ABCA7: variants seen among roughly 807,000 people sequenced by gnomAD.
ABCA7 encodes phospholipid-transporting ATPase ABCA7.
In ABCA7, 261 loss-of-function variants were observed where a neutral mutation model predicts 227.6. That is an observed-to-expected ratio of 1.15 (90% CI 1.04 to 1.27). The LOEUF (loss-of-function observed/expected upper bound fraction) is 1.27. Among genes scored for constraint, ABCA7 ranks in the 50% most tolerant of loss-of-function variants. The pLI is 0.00. For synonymous variants in ABCA7, 1,488 were observed against 1,279.7 expected, an observed-to-expected ratio of 1.16 and a Z score of -3.47; for missense variants, 3,331 against 2,924.5, an observed-to-expected ratio of 1.14 and a Z score of -3.21.
At position 1,059,040 on chromosome 19, in the gene ABCA7, G is replaced by T. The variant is rs758303632; in HGVS notation, c.5418G>T (p.Arg1806Ser). 1 of 1,613,916 alleles carries T rather than the reference G, an allele frequency of 6.2e-7. No individual in the cohort carries two copies. Among genetic ancestry groups the T allele is most frequent in the East Asian group, 2.2e-5 (1 of 44,868 alleles). Residue 1806 changes from arginine to serine, a missense_variant, in exon 40 of 47, where the codon AGG (arginine) becomes AGT (serine). By Grantham distance (110) the Arg-to-Ser change is moderately radical. Transcript: ENST00000263094. ...RNLTKVYRGQ[R>S]MPAVDRLCLG... ...TCTCCCAGGTATACCGTGGGCAGAG[G>T]ATGCCAGCTGTTGACCGCTTGTGCC...
At position 1,059,078 on chromosome 19, in the gene ABCA7, C is replaced by G; in HGVS notation, c.5456C>G (p.Pro1819Arg). 1 of 1,613,102 alleles carries G rather than the reference C, an allele frequency of 6.2e-7. No homozygotes were observed. The highest frequency in any genetic ancestry group is 1.3e-5 in the African/African-American group (1 of 75,014). Reference sequence around the variant, plus strand: ...GACCGCTTGTGCCTGGGGATTCCCCCTGGTGAGGTGAGTCCAGGGGTGGAG... The same window carrying G: ...GACCGCTTGTGCCTGGGGATTCCCCGTGGTGAGGTGAGTCCAGGGGTGGAG... ...AVDRLCLGIP[P>R]GECFGLLGVN... Residue 1819 changes from proline to arginine, a missense_variant, in exon 40 of 47, where the codon CCT (proline) becomes CGT (arginine). Physicochemically the swap from Pro to Arg is moderately radical, Grantham distance 103. Coordinates refer to ENST00000263094, the MANE Select transcript of ABCA7 (RefSeq NM_019112.4).
intron 16 of ABCA7, 103 bp from the exon 17 acceptor site, chr19:1,048,792 G>C (rs762409462): frequency 5.4e-5 from 33 of 610,088 alleles, no homozygotes; most frequent in Non-Finnish European, 8.3e-5. Flanking sequence ...CTGGGCAACA[G>C]AGCAAGACTC....
Position 1,047,394 on chromosome 19 carries a change from G to A in ABCA7, c.2067+16G>A. ...CGTGGCCGCGGTGAGAGCCGGGTCG[G>A]GCGTGGATGGGGGACGCCCCCCGCT... On this transcript the variant is annotated intron_variant, in intron 15 of 46. Coordinates refer to ENST00000263094, the MANE Select transcript of ABCA7 (RefSeq NM_019112.4). 6.4e-7 allele frequency: 1 copy of A among 1,556,514 alleles called. No individual in the cohort carries two copies. The highest frequency in any genetic ancestry group is 8.6e-7 in the Non-Finnish European group (1 of 1,156,552).
At chr19:1,042,696 C>G (rs1297291813) in intron 6 of ABCA7, 50 bp from the exon 7 acceptor site, 1 of 1,568,914 alleles carries the variant, frequency 6.4e-7, no homozygotes, top group South Asian at 1.1e-5. Flanking sequence ...AGCGCTGGAC[C>G]CCTAGTGAGT....
intron 42 of ABCA7, 117 bp downstream of exon 42, chr19:1,062,430 C>T (rs2042722193): frequency 2.0e-6 from 3 of 1,473,236 alleles, no homozygotes; most frequent in South Asian, 2.5e-5. Context: ...CCTGTCCCTG[C>T]CCCCAGACCG....
At chr19:1,053,929 C>A in intron 25 of ABCA7, 77 bp from the exon 26 acceptor site, 1 of 1,599,390 alleles carries the variant, frequency 6.3e-7, no homozygotes, top group Non-Finnish European at 8.5e-7. Flanking sequence ...CAAGGCATAG[C>A]CTTTACCCTA....
chr19:1,045,363 T>C, intron 12 of ABCA7, 132 bp downstream of exon 12: 2 of 948,484 alleles, frequency 2.1e-6, no homozygotes, highest in South Asian at 3.3e-5. Flanking sequence ...AGTGGTATGG[T>C]AGCCAGAGCC....
rs2040195583 is a variant in ABCA7 at position 1,042,827 on chromosome 19, G to A, written c.579+1G>A. The A allele has an allele frequency of 1.3e-6, 2 of 1,590,744 alleles. No homozygotes were observed. Among genetic ancestry groups the A allele is most frequent in the East Asian group, 2.2e-5 (1 of 44,648 alleles). ...GGCCGCTGAGGACCTGGCCCAGGAG[G>A]TACGAGGCCCCACTCATCCTCAACC... On this transcript the variant is annotated splice_donor_variant, in intron 7 of 46. Coordinates refer to ENST00000263094, the MANE Select transcript of ABCA7 (RefSeq NM_019112.4). LOFTEE classifies it high-confidence loss of function.
chr19:1,042,989 T>G, intron 7 of ABCA7, 52 bp from the exon 8 acceptor site: 1 of 1,553,978 alleles, frequency 6.4e-7, no homozygotes, highest in East Asian at 2.3e-5. Context: ...CTGCCCTGGT[T>G]AGGGCTTGGA....
At chr19:1,042,485 C>T (rs1396216482) in intron 6 of ABCA7, 88 bp downstream of exon 6, 1 of 1,506,858 alleles carries the variant, frequency 6.6e-7, no homozygotes, top group African/African-American at 1.4e-5. Flanking sequence ...CCAAGGACCT[C>T]CCGTTCCAGG....
chr19:1,042,735 T>C lies in ABCA7; in HGVS notation c.499-11T>C. 1 of 1,613,366 alleles carries C rather than the reference T, an allele frequency of 6.2e-7. No homozygotes were observed. Among genetic ancestry groups the C allele is most frequent in the East Asian group, 2.2e-5 (1 of 44,874 alleles). The stretch of plus-strand genomic sequence containing the variant: ...CAAAATCATTGTCCCCCTTGTGGTC[T>C]TTCTCCCCAGGAATCCCTGGGGTTG... On this transcript the variant is annotated splice_polypyrimidine_tract_variant and intron_variant, in intron 6 of 46. Transcript: ENST00000263094.
Position 1,058,853 on chromosome 19 carries a change from G to A in ABCA7, c.5313G>A (p.Glu1771=). The change falls in exon 39 of 47, where the codon GAG becomes GAA. Residue 1771 remains glutamate (E), a synonymous_variant. Coordinates refer to ENST00000263094, the MANE Select transcript of ABCA7 (RefSeq NM_019112.4). ...PRVRSLPLLG[E]EDEDVARERE... is the part of the protein sequence containing the mutation. ...TGAGGTCTCTGCCACTCCTGGGAGA[G>A]GAGGACGAGGATGTAGCCCGTGAAC... The A allele has an allele frequency of 6.3e-7, 1 of 1,576,316 alleles. No homozygotes were observed. Among genetic ancestry groups the A allele is most frequent in the Non-Finnish European group, 8.6e-7 (1 of 1,158,110 alleles).
intron 45 of ABCA7, 46 bp downstream of exon 45, chr19:1,064,299 C>G: frequency 6.6e-7 from 1 of 1,511,474 alleles, no homozygotes; most frequent in Non-Finnish European, 8.9e-7. Flanking sequence ...AGGGTGGGCA[C>G]GTAGGTAGGC....
In ABCA7 at chr19:1,054,502, G is replaced by A. The variant is rs896314148; in HGVS notation, c.3727-68G>A. The A allele has an allele frequency of 3.2e-6, 5 of 1,582,440 alleles. No homozygotes were observed. In the African/African-American group the frequency reaches 4.0e-5, roughly 13 times the overall value. On this transcript the variant is annotated intron_variant, in intron 27 of 46. Coordinates refer to ENST00000263094, the MANE Select transcript of ABCA7 (RefSeq NM_019112.4). This position sits in a 1 kb window ranked among gnomAD's most constrained non-coding sequence, Gnocchi z 4.8. ...GGAGCCATGGGTGGTTGTAGAGCAG[G>A]AGCAGGGACAGGTGCAAGCAAGCCT...
At chr19:1,064,277 A>G in intron 45 of ABCA7, 24 bp downstream of exon 45, 1 of 1,540,248 alleles carries the variant, frequency 6.5e-7, no homozygotes, top group Non-Finnish European at 8.7e-7. Flanking sequence ...GCCTCCAGGC[A>G]GGTGTGGGGT....
Position 1,064,313 on chromosome 19 carries a change from G to C in ABCA7, c.6044+60G>C, listed in dbSNP as rs981922184. 1.3e-4 allele frequency: 190 copies of C among 1,482,096 alleles called. 3 individuals carry two copies. Among genetic ancestry groups the C allele is most frequent in the Non-Finnish European group, 1.4e-4 (155 of 1,107,412 alleles). The allele number at this position is 1,482,096 out of a possible 1,614,324, so 91.8% of individuals were successfully genotyped here. ...GAGGGTGGGCACGTAGGTAGGCTCA[G>C]GGGAGAGGCCAGACGTAGAGCCGGG... On this transcript the variant is annotated intron_variant, in intron 45 of 46. Coordinates refer to ENST00000263094, the MANE Select transcript of ABCA7 (RefSeq NM_019112.4).
intron 35 of ABCA7, among the ~76,000 whole-genome samples, chr19:1,057,671 G>A (rs538200140): frequency 7.0e-4 from 106 of 152,104 alleles, no homozygotes; most frequent in African/African-American, 4.1e-4. Flanking sequence ...TTGGGAGGCC[G>A]AGGCAGGAGG....
intron 18 of ABCA7, among the ~76,000 whole-genome samples, chr19:1,050,016 T>TCCTCCCTGTGAGCTCCCCCACCACTC (rs2041385269): frequency 1.2e-5 from 1 of 80,240 alleles, no homozygotes; most frequent in East Asian, 4.7e-4. Flanking sequence ...CCCCACCACT[T>TCCTCCCTGTGAGCTCCCCCACCACTC]CCTCCCTGTG....
chr19:1,050,365 C>T (rs1360158640), intron 18 of ABCA7, among the ~76,000 whole-genome samples: 3 of 149,206 alleles, frequency 2.0e-5, no homozygotes, highest in South Asian at 2.2e-4. Context: ...TGAGCCGAGA[C>T]TGTGCCGTTG....
Sources: allele counts gnomAD v4.1 joint callset (sites outside exome capture counted in the v4.1 genomes callset), GRCh38; gene constraint gnomAD v4.1.1; non-coding constraint Gnocchi (gnomAD v3.1); transcripts MANE v1.5; gene names NCBI Gene and HGNC (gene_info 2026-07-23, HGNC 2026-07-21).